The following CCSER2 variants were observed in gnomAD, a reference collection of about 807,000 sequenced individuals.
CCSER2 encodes serine-rich coiled-coil domain-containing protein 2.
CCSER2 carries 46 observed loss-of-function variants against 92.3 expected under a neutral mutation model. The ratio of observed to expected loss-of-function variants is 0.50; its 90% confidence interval spans 0.39 to 0.64. The LOEUF is 0.64. Ranked by LOEUF, CCSER2 falls within the 30% of genes least tolerant of loss-of-function variation. CCSER2 has a pLI of 0.00. For synonymous variants in CCSER2, 433 were observed against 431.4 expected (o/e 1.00, Z -0.04); for missense variants, 1,244 against 1,238.9 (o/e 1.00, Z -0.06).
At position 84,515,752 on chromosome 10, in the gene CCSER2, G is replaced by T. The variant is rs1418172484; in HGVS notation, c.*1485G>T. 2 of 152,182 alleles carry T rather than the reference G, an allele frequency of 1.3e-5. No homozygotes were observed. The highest frequency in any genetic ancestry group is 1.3e-4 in the Admixed American group (2 of 15,272). The allele number at this position is 152,182 out of a possible 1,614,324, so 9.4% of individuals were successfully genotyped here. ...TAAAGGTAGATTTGGGAAAAAAATA[G>T]AATTGAAGATGGGAAATTTTGTTTT... On this transcript the variant is annotated 3_prime_UTR_variant, in exon 10 of 10. Transcript: ENST00000372088.
intron 9 of CCSER2, among the ~76,000 whole-genome samples, chr10:84,503,426 T>C (rs889371774): frequency 6.6e-6 from 1 of 152,196 alleles, no homozygotes; most frequent in Non-Finnish European, 1.5e-5. Context: ...TAGTAGGGAT[T>C]TGAGCTTTTG....
At chr10:84,350,619 T>G (rs988892338) in intron 1 of CCSER2, among the ~76,000 whole-genome samples, 3 of 152,260 alleles carry the variant, frequency 2.0e-5, no homozygotes, top group African/African-American at 7.2e-5. Flanking sequence ...TATTTTTTAA[T>G]GCTTTCACAG....
Position 84,465,916 on chromosome 10 carries a change from A to G in CCSER2, c.2148+1900A>G, listed in dbSNP as rs902370469. Among the ~76,000 whole-genome samples, 6 of 151,988 alleles carry G rather than the reference A, an allele frequency of 3.9e-5. No homozygotes were observed. In the South Asian group the frequency reaches 1.0e-3, roughly 26 times the overall value. On this transcript the variant is annotated intron_variant, in intron 7 of 9. Coordinates refer to ENST00000372088, the MANE Select transcript of CCSER2 (RefSeq NM_001284240.2). ...CAGGTGCCCACCACCGCGCCCAGCTAATTTTTTGTATTTTTAGTAGAGACG... is the reference window on the plus strand; with the variant it reads ...CAGGTGCCCACCACCGCGCCCAGCTGATTTTTTGTATTTTTAGTAGAGACG...
At chr10:84,340,827 C>T (rs1435376311) in intron 1 of CCSER2, among the ~76,000 whole-genome samples, 1 of 151,914 alleles carries the variant, frequency 6.6e-6, no homozygotes, top group Non-Finnish European at 1.5e-5. Flanking sequence ...TTACTGAGTT[C>T]AACAAACGTT....
At chr10:84,457,470 A>G in intron 6 of CCSER2, among the ~76,000 whole-genome samples, 1 of 113,240 alleles carries the variant, frequency 8.8e-6, no homozygotes, top group East Asian at 2.1e-4. Flanking sequence ...TATAATATAT[A>G]TATAAAAGAC....
At chr10:84,358,667 C>CACATAT (rs1845329211) in intron 1 of CCSER2, among the ~76,000 whole-genome samples, 12 of 146,190 alleles carry the variant, frequency 8.2e-5, no homozygotes, top group Admixed American at 6.9e-5. Flanking sequence ...TATACATATA[C>CACATAT]ATATATGTAT....
At chr10:84,400,538 G>C (rs1009795389) in intron 3 of CCSER2, among the ~76,000 whole-genome samples, 1 of 152,076 alleles carries the variant, frequency 6.6e-6, no homozygotes, top group African/African-American at 2.4e-5. Context: ...TCCATTTTAT[G>C]TTTTTGTATA....
chr10:84,444,291 G>GT (rs1289808354), intron 6 of CCSER2, among the ~76,000 whole-genome samples: 3 of 152,046 alleles, frequency 2.0e-5, no homozygotes, highest in African/African-American at 7.2e-5. Flanking sequence ...TGGCCAAATT[G>GT]TTATTTTTTT....
chr10:84,480,308 C>T (rs571074178), intron 9 of CCSER2, among the ~76,000 whole-genome samples: 5 of 152,232 alleles, frequency 3.3e-5, no homozygotes, highest in Admixed American at 2.0e-4. Context: ...CAGACATGAG[C>T]CACCATGCCT....
chr10:84,460,154 G>C (rs1813809), intron 6 of CCSER2, among the ~76,000 whole-genome samples: 1 of 144,926 alleles, frequency 6.9e-6, no homozygotes, highest in East Asian at 2.1e-4. Flanking sequence ...CGGGGGTGCA[G>C]TCTTGGTTCA....
intron 1 of CCSER2, among the ~76,000 whole-genome samples, chr10:84,355,548 A>G (rs532735778): frequency 1.3e-5 from 2 of 152,252 alleles, no homozygotes; most frequent in East Asian, 1.9e-4. Flanking sequence ...ACTCTGCTCT[A>G]GCAGTTATAG....
rs1221522928 is a variant in CCSER2 at position 84,475,566 on chromosome 10, C to T, written c.2236-2009C>T. Among the ~76,000 whole-genome samples the T allele has an allele frequency of 3.9e-5, 6 of 152,090 alleles. No homozygotes were observed. The East Asian group carries it at 9.6e-4, about 24-fold the overall frequency. On this transcript the variant is annotated intron_variant, in intron 8 of 9. Coordinates refer to ENST00000372088, the MANE Select transcript of CCSER2 (RefSeq NM_001284240.2). ...CCTCAACTTATGACGGAATTATGTC[C>T]TGATAAACCCATTATAGGTTGAAAA... is the stretch of plus-strand genomic sequence containing the variant.
intron 3 of CCSER2, among the ~76,000 whole-genome samples, chr10:84,417,030 T>C (rs1842922698): frequency 1.3e-5 from 2 of 152,262 alleles, no homozygotes; most frequent in Admixed American, 1.3e-4. Context: ...GGTCTTATGA[T>C]ATTTGGATTC....
intron 5 of CCSER2, among the ~76,000 whole-genome samples, chr10:84,431,142 A>G (rs1382655440): frequency 6.7e-6 from 1 of 149,940 alleles, no homozygotes; most frequent in Non-Finnish European, 1.5e-5. Context: ...TTCATAGTTT[A>G]TATTAGGGTT....
chr10:84,464,944 G>C (rs1173408716), intron 7 of CCSER2, among the ~76,000 whole-genome samples: 1 of 152,112 alleles, frequency 6.6e-6, no homozygotes, highest in Non-Finnish European at 1.5e-5. Flanking sequence ...GAAGAAGATT[G>C]TATATAAAGC....
chr10:84,353,084 G>T (rs1313085864), intron 1 of CCSER2, among the ~76,000 whole-genome samples: 1 of 152,158 alleles, frequency 6.6e-6, no homozygotes, highest in African/African-American at 2.4e-5. Context: ...GAGCCACCGC[G>T]CCCAGCCTAA....
At chr10:84,487,404 TC>T (rs1180701185) in intron 9 of CCSER2, among the ~76,000 whole-genome samples, 1 of 152,218 alleles carries the variant, frequency 6.6e-6, no homozygotes, top group Non-Finnish European at 1.5e-5. Context: ...TTTGTTAGTG[TC>T]CTCTTTTATT....
At chr10:84,500,141 C>T (rs886404693) in intron 9 of CCSER2, 3 of 287,636 alleles carry the variant, frequency 1.0e-5, no homozygotes, top group African/African-American at 6.8e-5. Flanking sequence ...TGTAAACAGA[C>T]CTCTACTTAG....
At chr10:84,331,779 T>C (rs1269216171) in intron 1 of CCSER2, among the ~76,000 whole-genome samples, 4 of 152,246 alleles carry the variant, frequency 2.6e-5, no homozygotes, top group African/African-American at 9.6e-5. Flanking sequence ...TTTCTTCTTA[T>C]TTCTTGTCAT....
Sources: allele counts gnomAD v4.1 joint callset (sites outside exome capture counted in the v4.1 genomes callset), GRCh38; gene constraint gnomAD v4.1.1; transcripts MANE v1.5; gene names NCBI Gene and HGNC (gene_info 2026-07-23, HGNC 2026-07-21).